The following TBC1D31 variants were observed in gnomAD, a reference collection of about 807,000 sequenced individuals.
TBC1D31 encodes the protein TBC1 domain family member 31.
Under a neutral mutation model 132.9 loss-of-function variants are expected in TBC1D31, and 99 were observed. The ratio of observed to expected loss-of-function variants is 0.74; its 90% CI spans 0.63 to 0.88. The LOEUF is 0.88. Ranked by LOEUF, TBC1D31 falls within the 40% of genes least tolerant of loss-of-function variation. TBC1D31 has a pLI of 0.00. For synonymous variants in TBC1D31, 385 were observed against 419.4 expected (o/e 0.92, Z 1.00); for missense variants, 1,134 against 1,256.6 (o/e 0.90, Z 1.48).
chr8:123,153,492 T>C (rs1273055651), downstream of TBC1D31, among the ~76,000 whole-genome samples: 1 of 152,254 alleles, frequency 6.6e-6, no homozygotes, highest in Admixed American at 6.5e-5. Context: ...CAAATGAAGT[T>C]CTTTTTATCA....
intron 10 of TBC1D31, among the ~76,000 whole-genome samples, chr8:123,110,094 A>G (rs1818303710): frequency 1.3e-5 from 2 of 152,202 alleles, no homozygotes; most frequent in Non-Finnish European, 2.9e-5. Context: ...ACTCCATCTC[A>G]GAAAAAAAGA....
At chr8:123,106,526 T>G (rs546289058) in intron 8 of TBC1D31, among the ~76,000 whole-genome samples, 1 of 152,336 alleles carries the variant, frequency 6.6e-6, no homozygotes, top group South Asian at 2.1e-4. Context: ...TAGGTATGTA[T>G]ATATAGGGAA....
At chr8:123,143,149 G>A (rs539033936) in intron 19 of TBC1D31, among the ~76,000 whole-genome samples, 73 of 152,248 alleles carry the variant, frequency 4.8e-4, no homozygotes, top group African/African-American at 1.6e-3. Context: ...TCCAGGCAGC[G>A]GGGAGAAGGG....
chr8:123,091,040 G>A (rs759271108), intron 4 of TBC1D31, among the ~76,000 whole-genome samples: 1 of 152,140 alleles, frequency 6.6e-6, no homozygotes, highest in South Asian at 2.1e-4. Flanking sequence ...GGAAAGCTTA[G>A]GATTTTTGTG....
chr8:123,158,916 G>A, the TBC1D31 span, among the ~76,000 whole-genome samples: 4 of 152,126 alleles, frequency 2.6e-5, no homozygotes, highest in African/African-American at 4.8e-5. Context: ...TCCTCGGGAA[G>A]CTCCTGGATC....
At chr8:123,102,421 A>T (rs1028028730) in intron 7 of TBC1D31, 4 of 360,818 alleles carry the variant, frequency 1.1e-5, no homozygotes, top group African/African-American at 8.6e-5. Flanking sequence ...AAAAAATTAT[A>T]CAAGTAGTGT....
At chr8:123,082,231 A>G (rs563820294) in intron 2 of TBC1D31, among the ~76,000 whole-genome samples, 15 of 152,196 alleles carry the variant, frequency 9.9e-5, no homozygotes, top group Non-Finnish European at 1.9e-4. Context: ...GTATTCTTTC[A>G]TTTAGTCATC....
chr8:123,110,698 C>T (rs1032660503), intron 10 of TBC1D31, among the ~76,000 whole-genome samples: 1 of 151,304 alleles, frequency 6.6e-6, no homozygotes, highest in African/African-American at 2.4e-5. Context: ...CATATGTATC[C>T]CTAAAGGATA....
intron 20 of TBC1D31, among the ~76,000 whole-genome samples, chr8:123,146,828 G>T (rs943939402): frequency 6.6e-6 from 1 of 152,014 alleles, no homozygotes; most frequent in African/African-American, 2.4e-5. Context: ...GGGACTACAG[G>T]CGCATGCCAC....
the TBC1D31 span, among the ~76,000 whole-genome samples, chr8:123,160,596 G>A: frequency 1.3e-5 from 2 of 152,218 alleles, no homozygotes; most frequent in Admixed American, 1.3e-4. Context: ...GGCTGAGCCC[G>A]GCGGCCGCCA....
intron 4 of TBC1D31, among the ~76,000 whole-genome samples, chr8:123,089,354 A>G (rs1469738672): frequency 6.6e-6 from 1 of 152,234 alleles, no homozygotes; most frequent in Admixed American, 6.5e-5. Flanking sequence ...GTAAGTGCTT[A>G]GTAAAATTGC....
In TBC1D31 at chr8:123,128,454, CT is replaced by C; in HGVS notation, c.2059del (p.Tyr687IlefsTer9). ...FNQYPKFIVD[Y>X]QTQERERIRN... ...ATCAATATCCAAAGTTTATTGTGGA[CT>C]ATCAAACACAGGAACGAGAAAGAAT... On this transcript the variant is annotated frameshift_variant, in exon 14 of 22. Coordinates refer to ENST00000287380, the MANE Select transcript of TBC1D31 (RefSeq NM_145647.4). LOFTEE classifies it high-confidence loss of function. 1 of 1,613,648 alleles carries C rather than the reference CT, an allele frequency of 6.2e-7. No homozygotes were observed. The highest frequency in any genetic ancestry group is 8.5e-7 in the Non-Finnish European group (1 of 1,179,740).
intron 10 of TBC1D31, among the ~76,000 whole-genome samples, chr8:123,114,317 T>TTGTTGTTG (rs1554614955): frequency 1.3e-5 from 2 of 151,520 alleles, no homozygotes; most frequent in African/African-American, 2.4e-5. Context: ...TTGTTTGTTT[T>TTGTTGTTG]TTGTTGTTGT....
At chr8:123,157,087 T>G (rs1014151217), downstream of TBC1D31, among the ~76,000 whole-genome samples, 1 of 152,240 alleles carries the variant, frequency 6.6e-6, no homozygotes, top group African/African-American at 2.4e-5. Context: ...AGGGTGGTCT[T>G]GGCGGGGGTA....
intron 11 of TBC1D31, among the ~76,000 whole-genome samples, chr8:123,120,595 C>A (rs914935957): frequency 2.6e-5 from 4 of 152,098 alleles, no homozygotes; most frequent in East Asian, 1.9e-4. Flanking sequence ...TCACTTGAAC[C>A]CAGGAGGTGG....
intron 21 of TBC1D31, 61 bp downstream of exon 21, chr8:123,150,189 A>C: frequency 7.7e-7 from 1 of 1,297,660 alleles, no homozygotes; most frequent in Non-Finnish European, 1.1e-6. Context: ...ATTTAAGCAA[A>C]ATTGTGGCTT....
At chr8:123,079,278 T>C (rs931203498) in intron 2 of TBC1D31, among the ~76,000 whole-genome samples, 3 of 152,220 alleles carry the variant, frequency 2.0e-5, no homozygotes, top group Non-Finnish European at 1.5e-5. Flanking sequence ...GATTAGATGG[T>C]GGTAATGTAT....
the TBC1D31 span, among the ~76,000 whole-genome samples, chr8:123,164,482 G>T: frequency 1.4e-3 from 216 of 152,294 alleles, 1 homozygote; most frequent in African/African-American, 4.9e-3. Flanking sequence ...AGCACTTCAG[G>T]AGGCTGAGGT....
chr8:123,145,570 C>T (rs1484979395), intron 20 of TBC1D31, among the ~76,000 whole-genome samples: 1 of 151,982 alleles, frequency 6.6e-6, no homozygotes, highest in African/African-American at 2.4e-5. Context: ...TAATTTAAAA[C>T]TGTAAAATAC....
Sources: gnomAD v4.1 joint callset for allele counts (sites outside exome capture counted in the v4.1 genomes callset) on GRCh38, gnomAD v4.1.1 for gene constraint, MANE v1.5 for transcripts, NCBI Gene and HGNC (gene_info 2026-07-23, HGNC 2026-07-21) for gene names.